The following CMSS1 variants were observed in gnomAD, a reference collection of about 807,000 sequenced individuals.
CMSS1 encodes cms1 ribosomal small subunit homolog.
Under a neutral mutation model 43.5 loss-of-function variants are expected in CMSS1, and 33 were observed. That is an observed-to-expected ratio of 0.76 (90% CI 0.57 to 1.01). CMSS1 has a LOEUF of 1.01. Among genes scored for constraint, CMSS1 ranks in the 50% least tolerant of loss-of-function variants. The pLI, the probability that CMSS1 is intolerant of heterozygous loss-of-function variation, is 0.00. For missense variants in CMSS1, 313 were observed against 326.4 expected, an observed-to-expected ratio of 0.96 and a Z score of 0.32; for synonymous variants, 115 against 117.2, an observed-to-expected ratio of 0.98 and a Z score of 0.12.
intron 8 of CMSS1, among the ~76,000 whole-genome samples, chr3:100,172,836 A>G (rs1455038027): frequency 1.3e-5 from 2 of 152,174 alleles, no homozygotes; most frequent in Admixed American, 6.5e-5. Context: ...GTTCTTCCCA[A>G]ATGTGTTTCT....
chr3:100,122,378 C>T (rs1366322128), intron 1 of CMSS1, among the ~76,000 whole-genome samples: 2 of 152,218 alleles, frequency 1.3e-5, no homozygotes, highest in Non-Finnish European at 2.9e-5. Context: ...CCATTTTAGC[C>T]ACTGGGCATG....
intron 1 of CMSS1, among the ~76,000 whole-genome samples, chr3:100,029,982 G>A (rs1225359633): frequency 1.3e-5 from 2 of 152,134 alleles, no homozygotes; most frequent in Admixed American, 6.6e-5. Context: ...AAACTTCACA[G>A]CTGTTTGTAA....
chr3:100,015,621 A>G (rs1459595103), intron 1 of CMSS1, among the ~76,000 whole-genome samples: 1 of 152,210 alleles, frequency 6.6e-6, no homozygotes, highest in Non-Finnish European at 1.5e-5. Flanking sequence ...GAATGCTAAG[A>G]TTATTGAGTA....
chr3:99,850,643 G>A (rs542026629), intron 1 of CMSS1: 36 of 1,613,688 alleles, frequency 2.2e-5, no homozygotes, highest in Admixed American at 3.3e-5. Context: ...TCTGCTTTTC[G>A]TAAAGACCTG....
chr3:99,983,460 GTGTGTATATATATATATATATATA>G lies in CMSS1; in HGVS notation c.65-163511_65-163488del, dbSNP rs1438502432. Among the ~76,000 whole-genome samples the G allele has an allele frequency of 3.5e-3, 245 of 69,472 alleles. 7 individuals carry two copies. Among genetic ancestry groups the G allele is most frequent in the East Asian group, 0.024 (87 of 3,586 alleles). 45.6% of individuals were successfully genotyped at this position (69,472 alleles called of 152,430 possible). A position where few individuals can be genotyped will look rare whatever the true frequency, so the allele number is the denominator to read the frequency against. On this transcript the variant is annotated intron_variant, in intron 1 of 9. Transcript: ENST00000421999. ...TATATATGTATGTATATATATATAT[GTGTGTATATATATATATATATATA>G]TATATATATATATATATATATATAT... is the stretch of plus-strand genomic sequence containing the variant.
intron 1 of CMSS1, among the ~76,000 whole-genome samples, chr3:99,953,245 T>G (rs550710481): frequency 1.3e-5 from 2 of 152,356 alleles, no homozygotes; most frequent in African/African-American, 4.8e-5. Flanking sequence ...TTGGTTAAGC[T>G]ATAACCAATC....
chr3:99,898,921 C>T (rs1427095564), intron 1 of CMSS1, among the ~76,000 whole-genome samples: 6 of 152,002 alleles, frequency 3.9e-5, no homozygotes, highest in African/African-American at 1.2e-4. Flanking sequence ...AAGCTCTAAT[C>T]GAAGTTTAGC....
At chr3:100,127,171 G>A (rs2066670327) in intron 1 of CMSS1, among the ~76,000 whole-genome samples, 1 of 152,160 alleles carries the variant, frequency 6.6e-6, no homozygotes, top group East Asian at 1.9e-4. Flanking sequence ...CATGAACACA[G>A]TTTATAAATT....
Position 99,992,107 on chromosome 3 carries a change from G to A in CMSS1, c.65-154866G>A, listed in dbSNP as rs188883265. On this transcript the variant is annotated intron_variant, in intron 1 of 9. Transcript: ENST00000421999. ...AGGTTAATTCTGTATCTTTGCTATT[G>A]TGCATTGTGCTGTGATAAAAATACA... Among the ~76,000 whole-genome samples the A allele has an allele frequency of 6.1e-3, 921 of 151,320 alleles. 10 individuals carry two copies. The highest frequency in any genetic ancestry group is 0.021 in the African/African-American group (855 of 41,270).
chr3:99,986,616 A>G (rs190688296), intron 1 of CMSS1, among the ~76,000 whole-genome samples: 3 of 152,112 alleles, frequency 2.0e-5, no homozygotes, highest in African/African-American at 7.2e-5. Context: ...CTGCACATGG[A>G]GAGAAGAAAT....
intron 1 of CMSS1, chr3:99,876,321 C>G (rs1705518811): frequency 1.9e-6 from 1 of 515,586 alleles, no homozygotes; most frequent in South Asian, 8.3e-5. Flanking sequence ...CACCCCAGCT[C>G]CCGCGGATGT....
chr3:100,017,797 G>A (rs565760258), intron 1 of CMSS1, among the ~76,000 whole-genome samples: 34 of 152,222 alleles, frequency 2.2e-4, no homozygotes, highest in Admixed American at 7.2e-4. Context: ...GGTCTTCTCC[G>A]ACCTTCAGTG....
intron 1 of CMSS1, among the ~76,000 whole-genome samples, chr3:99,983,054 C>T (rs568144272): frequency 6.6e-6 from 1 of 152,116 alleles, no homozygotes; most frequent in East Asian, 1.9e-4. Flanking sequence ...CTGTACCCAT[C>T]AGGAATAACA....
At chr3:100,047,084 A>C (rs1263323994) in intron 1 of CMSS1, among the ~76,000 whole-genome samples, 4 of 152,198 alleles carry the variant, frequency 2.6e-5, no homozygotes, top group African/African-American at 9.6e-5. Flanking sequence ...AAAACTGCTA[A>C]ATGTTTAGCC....
chr3:100,024,647 G>A (rs1264516592), intron 1 of CMSS1, among the ~76,000 whole-genome samples: 1 of 152,166 alleles, frequency 6.6e-6, no homozygotes, highest in Admixed American at 6.6e-5. Context: ...CCTCTAAACA[G>A]TTGGAAGAAA....
chr3:100,115,653 C>T (rs915092936), intron 1 of CMSS1, among the ~76,000 whole-genome samples: 32 of 136,768 alleles, frequency 2.3e-4, no homozygotes, highest in African/African-American at 7.7e-4. Flanking sequence ...TCCTCCTTTC[C>T]ACCCGTGAGT....
intron 1 of CMSS1, among the ~76,000 whole-genome samples, chr3:99,976,171 G>C (rs1708965331): frequency 1.3e-5 from 2 of 152,136 alleles, no homozygotes; most frequent in South Asian, 4.2e-4. Context: ...ACCGCACCTG[G>C]CCCAGTGTCT....
intron 1 of CMSS1, among the ~76,000 whole-genome samples, chr3:100,099,649 A>G (rs1343663169): frequency 6.6e-6 from 1 of 152,226 alleles, no homozygotes; most frequent in Non-Finnish European, 1.5e-5. Context: ...GATTATCTCT[A>G]GAAAACTATA....
chr3:99,915,703 C>A (rs75115126), intron 1 of CMSS1, among the ~76,000 whole-genome samples: 4 of 152,000 alleles, frequency 2.6e-5, no homozygotes, highest in Non-Finnish European at 5.9e-5. Context: ...TTAGGACATT[C>A]AGCAATTCTC....
Sources: gnomAD v4.1 joint callset for allele counts (sites outside exome capture counted in the v4.1 genomes callset) on GRCh38, gnomAD v4.1.1 for gene constraint, MANE v1.5 for transcripts, NCBI Gene and HGNC (gene_info 2026-07-23, HGNC 2026-07-21) for gene names.